Variants in WDR27 observed in about 807,000 individuals in gnomAD.
The protein encoded by WDR27 is WD repeat domain 27, also known as WD repeat-containing protein 27.
In WDR27, 100 loss-of-function variants were observed where a neutral mutation model predicts 114.4. The ratio of observed to expected loss-of-function variants is 0.87; its 90% confidence interval spans 0.74 to 1.03. WDR27 has a LOEUF of 1.03. Ranked by LOEUF, WDR27 falls within the 50% of genes least tolerant of loss-of-function variation. The pLI, the probability that WDR27 is intolerant of heterozygous loss-of-function variation, is 0.00. For synonymous variants in WDR27, 449 were observed against 423.1 expected (o/e 1.06, Z -0.75); for missense variants, 1,129 against 1,092.9 (o/e 1.03, Z -0.47).
At chr6:169,535,199 A>C (rs1355840357) in intron 25 of WDR27, among the ~76,000 whole-genome samples, 6 of 152,184 alleles carry the variant, frequency 3.9e-5, no homozygotes, top group Non-Finnish European at 8.8e-5. Flanking sequence ...TCTGGTATGA[A>C]GATCCTTTCA....
chr6:169,642,576 A>G (rs796103681), intron 17 of WDR27, among the ~76,000 whole-genome samples: 14 of 152,326 alleles, frequency 9.2e-5, no homozygotes, highest in African/African-American at 3.4e-4. Context: ...CATCCAGGCC[A>G]AGCCCGGAGA....
rs1239861628 is a variant in WDR27 at position 169,659,485 on chromosome 6, G to A, written c.1163C>T (p.Ser388Leu). Reference sequence around the variant, plus strand: ...CGCAGTGCGGTTCCTCAGGGCACACGATCCGGCCAGCAGGATGCTGAGGCT... The same window carrying A: ...CGCAGTGCGGTTCCTCAGGGCACACAATCCGGCCAGCAGGATGCTGAGGCT... Reference protein sequence around the residue: ...FQSLSILLAGSCALRNRTADQ... With the variant: ...FQSLSILLAGLCALRNRTADQ... Residue 388 changes from serine (S) to leucine (L), a missense_variant, in exon 11 of 26, where the codon TCG becomes TTG. Coordinates refer to ENST00000448612, the MANE Select transcript of WDR27 (RefSeq NM_182552.5). This position sits in a 1 kb window ranked among gnomAD's most constrained non-coding sequence, Gnocchi z 4.3. 6.2e-6 allele frequency: 10 copies of A among 1,610,174 alleles called. No homozygotes were observed. The highest frequency in any genetic ancestry group is 3.4e-5 in the Admixed American group (2 of 59,456).
chr6:169,642,551 G>C (rs953656203), intron 17 of WDR27, among the ~76,000 whole-genome samples: 1 of 152,158 alleles, frequency 6.6e-6, no homozygotes, highest in East Asian at 1.9e-4. Context: ...CAAGGCGCTC[G>C]AAGGGCAAGG....
At chr6:169,654,840 G>A (rs757139691) in intron 13 of WDR27, among the ~76,000 whole-genome samples, 1 of 152,074 alleles carries the variant, frequency 6.6e-6, no homozygotes, top group Non-Finnish European at 1.5e-5. Context: ...GAGGCGGCTC[G>A]CTCAGGAGGA....
Position 169,659,512 on chromosome 6 carries a change from T to G in WDR27, c.1136A>C (p.Gln379Pro). The change falls in exon 11 of 26, where the codon CAG becomes CCG. Residue 379 changes from glutamine (Q) to proline (P), a missense_variant. Physicochemically the swap from Gln to Pro is moderately conservative, Grantham distance 76 (BLOSUM62 -1). Transcript: ENST00000448612. This position sits in a 1 kb window ranked among gnomAD's most constrained non-coding sequence, Gnocchi z 4.3. ...TCCGGCCAGCAGGATGCTGAGGCTC[T>G]GGAAATCTTCAGTTGAGCGAAGACC... ...VEAALYYKDFQSLSILLAGSC... is the reference protein window; with the variant it reads ...VEAALYYKDFPSLSILLAGSC... 1 of 1,609,046 alleles carries G rather than the reference T, an allele frequency of 6.2e-7. No individual in the cohort carries two copies. The highest frequency in any genetic ancestry group is 8.5e-7 in the Non-Finnish European group (1 of 1,177,826).
the WDR27 span, among the ~76,000 whole-genome samples, chr6:169,439,785 A>G: frequency 6.6e-6 from 1 of 151,430 alleles, no homozygotes; most frequent in South Asian, 2.1e-4. Context: ...TCAAAACTTG[A>G]AAACTATTCA....
chr6:169,629,532 C>T (rs1338780038), intron 21 of WDR27, among the ~76,000 whole-genome samples: 1 of 152,068 alleles, frequency 6.6e-6, no homozygotes, highest in Non-Finnish European at 1.5e-5. Context: ...CATGCACAAC[C>T]AATACAAAAT....
At chr6:169,494,739 C>T (rs79846353) in intron 25 of WDR27, among the ~76,000 whole-genome samples, 12,473 of 152,172 alleles carry the variant, frequency 0.082, 816 homozygotes, top group South Asian at 0.27. Context: ...AAAGTAAGCT[C>T]AGCATCAGAT....
At chr6:169,511,703 A>G (rs1415081915) in intron 25 of WDR27, among the ~76,000 whole-genome samples, 1 of 152,170 alleles carries the variant, frequency 6.6e-6, no homozygotes, top group Non-Finnish European at 1.5e-5. Context: ...ACAAAAAAAA[A>G]ATATTTGCCA....
At chr6:169,616,950 G>A (rs1478510294) in intron 21 of WDR27, among the ~76,000 whole-genome samples, 1 of 152,152 alleles carries the variant, frequency 6.6e-6, no homozygotes, top group African/African-American at 2.4e-5. Context: ...AATAAAAATA[G>A]TGCATGCCCA....
chr6:169,450,056 C>A, the WDR27 span, among the ~76,000 whole-genome samples: 148 of 152,294 alleles, frequency 9.7e-4, 4 homozygotes, highest in Admixed American at 8.7e-3. Flanking sequence ...AAAATCTATT[C>A]TTTTGCAATT....
At chr6:169,637,267 C>T (rs944786187) in intron 18 of WDR27, among the ~76,000 whole-genome samples, 3 of 152,218 alleles carry the variant, frequency 2.0e-5, no homozygotes, top group Non-Finnish European at 4.4e-5. Flanking sequence ...ACTTCCCCCA[C>T]GTAATAGCCC....
chr6:169,586,874 A>AAAG (rs1804733958), intron 23 of WDR27, among the ~76,000 whole-genome samples: 6 of 146,700 alleles, frequency 4.1e-5, no homozygotes, highest in Non-Finnish European at 6.0e-5. Flanking sequence ...AAAAAAAAAA[A>AAAG]GGCAGTCGCT....
the WDR27 span, among the ~76,000 whole-genome samples, chr6:169,443,444 C>G: frequency 6.6e-6 from 1 of 152,054 alleles, no homozygotes; most frequent in Non-Finnish European, 1.5e-5. Flanking sequence ...GAAATTTGCA[C>G]CTGGGGTACA....
chr6:169,621,062 A>T (rs1178861843), intron 21 of WDR27, among the ~76,000 whole-genome samples: 1 of 152,236 alleles, frequency 6.6e-6, no homozygotes, highest in Non-Finnish European at 1.5e-5. Context: ...CTTCATTCAC[A>T]GAACACTGCC....
intron 25 of WDR27, among the ~76,000 whole-genome samples, chr6:169,487,314 T>C (rs1334536203): frequency 2.6e-5 from 4 of 152,230 alleles, no homozygotes; most frequent in Non-Finnish European, 5.9e-5. Context: ...TCCTCCACTT[T>C]GATCTGAATG....
downstream of WDR27, among the ~76,000 whole-genome samples, chr6:169,456,618 C>T (rs961637996): frequency 2.0e-5 from 3 of 152,148 alleles, no homozygotes; most frequent in Non-Finnish European, 4.4e-5. This position sits in a 1 kb window ranked among gnomAD's most constrained non-coding sequence, Gnocchi z 4.0. Flanking sequence ...GGACAGGCAG[C>T]CTCTGGAGCC....
intron 2 of WDR27, among the ~76,000 whole-genome samples, chr6:169,674,146 T>C (rs968386514): frequency 6.6e-6 from 1 of 152,198 alleles, no homozygotes; most frequent in African/African-American, 2.4e-5. Context: ...TATACTTTTT[T>C]TTCATATACA....
intron 25 of WDR27, among the ~76,000 whole-genome samples, chr6:169,520,251 G>A (rs1473682468): frequency 6.6e-6 from 1 of 152,072 alleles, no homozygotes; most frequent in Non-Finnish European, 1.5e-5. Context: ...TATCCCTTTG[G>A]CATTTCTCCT....
Sources: gnomAD v4.1 joint callset for allele counts (sites outside exome capture counted in the v4.1 genomes callset) on GRCh38, gnomAD v4.1.1 for gene constraint, Gnocchi (gnomAD v3.1) non-coding constraint, MANE v1.5 for transcripts, NCBI Gene and HGNC (gene_info 2026-07-23, HGNC 2026-07-21) for gene names.